The following IQSEC1 variants were observed in gnomAD, a reference collection of about 807,000 sequenced individuals.
IQSEC1 encodes IQ motif and SEC7 domain-containing protein 1.
IQSEC1 carries 31 observed loss-of-function variants against 91.0 expected under a neutral mutation model. That is an observed-to-expected ratio of 0.34 (90% CI 0.26 to 0.46). IQSEC1 has a LOEUF of 0.46. Ranked by LOEUF, IQSEC1 falls within the 20% of genes least tolerant of loss-of-function variation. The pLI is 1.00. For synonymous variants in IQSEC1, 699 were observed against 662.6 expected (o/e 1.05, Z -0.84); for missense variants, 1,388 against 1,575.6 (o/e 0.88, Z 2.02).
rs535806644 is a variant in IQSEC1 at position 13,130,146 on chromosome 3, A to G, written c.302+33958T>C. ...GGATTATGAGGTCAGGAGTTCGAGA[A>G]CAGCCTGGCCCTCATGGTGAAACCC... On this transcript the variant is annotated intron_variant, in intron 2 of 15. Transcript: ENST00000648114. 4.2e-3 allele frequency among the ~76,000 whole-genome samples: 633 copies of G among 150,548 alleles called. 10 individuals carry two copies. The highest frequency in any genetic ancestry group is 0.017 in the South Asian group (79 of 4,726).
chr3:12,908,277 CCT>C lies in IQSEC1; in HGVS notation c.2755+70_2755+71del, dbSNP rs935326976. Reference sequence around the variant, plus strand: ...AGGCCCTGCCCCGCGTGATGCATGCCCTGAATGCAGACGCCCTGCCTCGGTCT... The same window carrying C: ...AGGCCCTGCCCCGCGTGATGCATGCCGAATGCAGACGCCCTGCCTCGGTCT... On this transcript the variant is annotated intron_variant, in intron 12 of 13. Coordinates refer to ENST00000613206, the MANE Select transcript of IQSEC1 (RefSeq NM_001134382.3). This position sits in a 1 kb window ranked among gnomAD's most constrained non-coding sequence, Gnocchi z 4.9. 20 of 1,523,536 alleles carry C rather than the reference CCT, an allele frequency of 1.3e-5. No homozygotes were observed. Among genetic ancestry groups the C allele is most frequent in the Non-Finnish European group, 1.8e-5 (20 of 1,115,234 alleles). The allele number at this position is 1,523,536 out of a possible 1,614,324, so 94.4% of individuals were successfully genotyped here. A position where few individuals can be genotyped will look rare whatever the true frequency, so the allele number is the denominator to read the frequency against.
chr3:13,276,851 G>C (rs1407562015), intron 1 of IQSEC1, among the ~76,000 whole-genome samples: 1 of 152,058 alleles, frequency 6.6e-6, no homozygotes, highest in Non-Finnish European at 1.5e-5. Flanking sequence ...AAGTCATTTG[G>C]TTGCAGCCTG....
chr3:13,120,485 T>C (rs1253960860), intron 2 of IQSEC1, among the ~76,000 whole-genome samples: 2 of 152,204 alleles, frequency 1.3e-5, no homozygotes, highest in African/African-American at 4.8e-5. Flanking sequence ...GTAACCTCTC[T>C]GGGCTCCGTG....
At chr3:13,091,429 T>C (rs1489332419) in intron 2 of IQSEC1, among the ~76,000 whole-genome samples, 1 of 152,234 alleles carries the variant, frequency 6.6e-6, no homozygotes, top group Non-Finnish European at 1.5e-5. Context: ...GGACAGATGC[T>C]GGAATGAGAC....
chr3:13,013,832 A>C (rs1184397754), intron 1 of IQSEC1, among the ~76,000 whole-genome samples: 1 of 152,234 alleles, frequency 6.6e-6, no homozygotes, highest in African/African-American at 2.4e-5. Context: ...CAAATGAATG[A>C]TGTGCATGAA....
In IQSEC1 at chr3:13,031,966, T is replaced by C. The variant is rs993457224; in HGVS notation, c.23+41026A>G. 3.3e-5 allele frequency among the ~76,000 whole-genome samples: 5 copies of C among 152,226 alleles called. No homozygotes were observed. The South Asian group carries it at 1.0e-3, about 32-fold the overall frequency. ...TTTAAAACTTTAGATACTGAGTTAA[T>C]TGCGGACCCACAGAAAAGTTGTGGG... On this transcript the variant is annotated intron_variant, in intron 1 of 13. Transcript: ENST00000613206.
At position 13,099,238 on chromosome 3, in the gene IQSEC1, G is replaced by A. The variant is rs551838638; in HGVS notation, c.303-51716C>T. 1.2e-4 allele frequency among the ~76,000 whole-genome samples: 18 copies of A among 152,340 alleles called. No individual in the cohort carries two copies. In the South Asian group the frequency reaches 3.7e-3, roughly 32 times the overall value. Reference sequence around the variant, plus strand: ...AGAGGCAAGTGAGACCTTCAGGGAAGTTGAGGCCACAGTGAGGCACATCGG... The same window carrying A: ...AGAGGCAAGTGAGACCTTCAGGGAAATTGAGGCCACAGTGAGGCACATCGG... On this transcript the variant is annotated intron_variant, in intron 2 of 15. Transcript: ENST00000648114.
At chr3:13,210,983 T>C (rs1694433850) in intron 1 of IQSEC1, among the ~76,000 whole-genome samples, 1 of 152,236 alleles carries the variant, frequency 6.6e-6, no homozygotes, top group African/African-American at 2.4e-5. Context: ...TGCCTCCCTC[T>C]GGAAAGATCA....
intron 1 of IQSEC1, among the ~76,000 whole-genome samples, chr3:13,197,233 C>T (rs115679118): frequency 6.6e-6 from 1 of 152,362 alleles, no homozygotes; most frequent in African/African-American, 2.4e-5. Flanking sequence ...GAACGGGAAA[C>T]GCTTGCTCCC....
chr3:13,194,828 C>G lies in IQSEC1; in HGVS notation c.273-30695G>C, dbSNP rs141526923. Among the ~76,000 whole-genome samples the G allele has an allele frequency of 1.1e-3, 168 of 152,338 alleles. 1 individual carries two copies. Among genetic ancestry groups the G allele is most frequent in the Non-Finnish European group, 1.3e-3 (91 of 68,028 alleles). On this transcript the variant is annotated intron_variant, in intron 1 of 15. Coordinates refer to the IQSEC1 transcript ENST00000648114. ...GCAGGCAATACGAGCAAACTCCAGC[C>G]TCAACCTCAGACCCTAACCCAAAGT...
At chr3:13,227,056 TG>T (rs1694765445) in intron 1 of IQSEC1, among the ~76,000 whole-genome samples, 1 of 151,788 alleles carries the variant, frequency 6.6e-6, no homozygotes, top group Non-Finnish European at 1.5e-5. Flanking sequence ...TAGTCCAGCC[TG>T]GGGGACAGAG....
At chr3:13,062,042 C>T (rs1705084283) in intron 1 of IQSEC1, among the ~76,000 whole-genome samples, 1 of 152,194 alleles carries the variant, frequency 6.6e-6, no homozygotes, top group African/African-American at 2.4e-5. Flanking sequence ...GAAAGGTGAA[C>T]AGGACATGGC....
intron 1 of IQSEC1, among the ~76,000 whole-genome samples, chr3:12,985,835 C>T (rs1282363038): frequency 1.3e-5 from 2 of 152,214 alleles, no homozygotes; most frequent in Non-Finnish European, 2.9e-5. Context: ...AGATTTTCAT[C>T]ATGGGCCTGT....
rs118149554 is a variant in IQSEC1 at position 13,239,701 on chromosome 3, G to A, written c.272+43010C>T. On this transcript the variant is annotated intron_variant, in intron 1 of 15. Transcript: ENST00000648114. ...GGGGTTCCCAGCCGTGTGCCCACAG[G>A]CAAAACTGAGCCACTGGACACGTGG... Among the ~76,000 whole-genome samples the A allele has an allele frequency of 1.2e-3, 184 of 152,370 alleles. 3 individuals are homozygous for A. In the East Asian group the frequency reaches 0.028, roughly 23 times the overall value.
chr3:13,096,956 G>T (rs1705976299), intron 2 of IQSEC1, among the ~76,000 whole-genome samples: 1 of 151,852 alleles, frequency 6.6e-6, no homozygotes, highest in South Asian at 2.1e-4. Context: ...CACCTCCAGG[G>T]TTCACGCCAT....
At chr3:13,159,708 C>T (rs1460766069) in intron 2 of IQSEC1, among the ~76,000 whole-genome samples, 1 of 152,092 alleles carries the variant, frequency 6.6e-6, no homozygotes, top group Non-Finnish European at 1.5e-5. Flanking sequence ...AGACCCCCAC[C>T]CACAGTGAGA....
intron 1 of IQSEC1, among the ~76,000 whole-genome samples, chr3:13,168,652 C>T (rs1050066252): frequency 6.6e-6 from 1 of 152,194 alleles, no homozygotes; most frequent in African/African-American, 2.4e-5. Flanking sequence ...TGCAGCCACA[C>T]CCTTTCATTC....
At position 12,964,299 on chromosome 3, in the gene IQSEC1, T is replaced by TACACACACACACACAC. The variant is rs3072719; in HGVS notation, c.24-22450_24-22435dup. ...CAACAGCATTTGAGCATACTCCCCC[T>TACACACACACACACAC]ACACACACACACACACACACACACA... On this transcript the variant is annotated intron_variant, in intron 1 of 13. Coordinates refer to ENST00000613206, the MANE Select transcript of IQSEC1 (RefSeq NM_001134382.3). Among the ~76,000 whole-genome samples, 703 of 149,884 alleles carry TACACACACACACACAC rather than the reference T, an allele frequency of 4.7e-3. 10 individuals are homozygous for TACACACACACACACAC. Among genetic ancestry groups the TACACACACACACACAC allele is most frequent in the African/African-American group, 0.016 (642 of 40,658 alleles).
chr3:12,900,695 A>G lies in IQSEC1; in HGVS notation c.*288T>C, dbSNP rs529404977. 179 of 1,361,926 alleles carry G rather than the reference A, an allele frequency of 1.3e-4. 1 individual carries two copies. The highest frequency in any genetic ancestry group is 1.1e-3 in the Middle Eastern group (4 of 3,618). 84.4% of individuals were successfully genotyped at this position (1,361,926 alleles called of 1,614,324 possible). On this transcript the variant is annotated 3_prime_UTR_variant, in exon 14 of 14. Transcript: ENST00000613206. Reference sequence around the variant, plus strand: ...GAGCTGGAGTGGGGGAGGCAGTTCAACACTACTTGGCTGGCTCACCGTTTC... The same window carrying G: ...GAGCTGGAGTGGGGGAGGCAGTTCAGCACTACTTGGCTGGCTCACCGTTTC...
Sources: gnomAD v4.1 joint callset for allele counts (sites outside exome capture counted in the v4.1 genomes callset) on GRCh38, gnomAD v4.1.1 for gene constraint, Gnocchi (gnomAD v3.1) non-coding constraint, MANE v1.5 for transcripts, NCBI Gene and HGNC (gene_info 2026-07-23, HGNC 2026-07-21) for gene names.